Variants in TYW1B observed in about 807,000 individuals in gnomAD.
TYW1B encodes the protein S-adenosyl-L-methionine-dependent tRNA 4-demethylwyosine synthase TYW1B.
In TYW1B, 73 loss-of-function variants were observed where a neutral mutation model predicts 86.9. That is an observed-to-expected ratio of 0.84 (90% confidence interval 0.70 to 1.02). The LOEUF (loss-of-function observed/expected upper bound fraction) is 1.02. Ranked by LOEUF, TYW1B falls within the 50% of genes least tolerant of loss-of-function variation. The pLI is 0.00. For synonymous variants in TYW1B, 248 were observed against 292.8 expected (o/e 0.85, Z 1.56); for missense variants, 637 against 827.4 (o/e 0.77, Z 2.82).
chr7:72,810,601 C>T lies in TYW1B; in HGVS notation c.302G>A (p.Ser101Asn), dbSNP rs372002786. The change falls in exon 4 of 14, where the codon AGT (serine) becomes AAT (asparagine). Residue 101 changes from serine to asparagine, a missense_variant. Transcript: ENST00000620995. Reference protein sequence around the residue: ...ATYTDGLPTESAEWFCKWLEE... With the variant: ...ATYTDGLPTENAEWFCKWLEE... The stretch of plus-strand genomic sequence containing the variant: ...TAACCATTTGCAGAACCACTCTGCA[C>T]TTTCGGTTGGTAGGCCGTCAGTGTA... The T allele has an allele frequency of 1.7e-5, 28 of 1,613,816 alleles. No individual in the cohort carries two copies. The African/African-American group carries it at 2.8e-4, about 16-fold the overall frequency.
intron 10 of TYW1B, among the ~76,000 whole-genome samples, chr7:72,710,258 C>T (rs561628068): frequency 2.6e-4 from 40 of 152,248 alleles, no homozygotes; most frequent in African/African-American, 9.6e-4. Context: ...GACAGACTCC[C>T]TTTCTTTATG....
At chr7:72,628,012 C>T (rs781926681) in intron 12 of TYW1B, among the ~76,000 whole-genome samples, 3 of 152,162 alleles carry the variant, frequency 2.0e-5, no homozygotes, top group Non-Finnish European at 2.9e-5. Flanking sequence ...TACACATCAG[C>T]CGGGCACAGT....
intron 8 of TYW1B, among the ~76,000 whole-genome samples, chr7:72,732,555 T>C (rs544848863): frequency 6.6e-6 from 1 of 152,188 alleles, no homozygotes; most frequent in African/African-American, 2.4e-5. Context: ...AATTTAAATA[T>C]GTACTGAAAC....
At chr7:72,751,931 C>G (rs1429769993) in intron 7 of TYW1B, among the ~76,000 whole-genome samples, 3 of 152,224 alleles carry the variant, frequency 2.0e-5, no homozygotes, top group African/African-American at 7.2e-5. Flanking sequence ...GGGGCTCCTC[C>G]AGACTGGCCC....
At chr7:72,586,679 G>A in intron 13 of TYW1B, among the ~76,000 whole-genome samples, 1 of 152,124 alleles carries the variant, frequency 6.6e-6, no homozygotes, top group East Asian at 1.9e-4. Context: ...GGAGGTTGCT[G>A]TGAGCAGAGA....
At chr7:72,789,052 A>C (rs1234047383) in intron 6 of TYW1B, among the ~76,000 whole-genome samples, 1 of 151,728 alleles carries the variant, frequency 6.6e-6, no homozygotes, top group African/African-American at 2.4e-5. Context: ...GCTGGTCTCA[A>C]ACTCCAGGGG....
chr7:72,577,818 C>T (rs1467577556), intron 13 of TYW1B, among the ~76,000 whole-genome samples: 39 of 152,216 alleles, frequency 2.6e-4, no homozygotes, highest in Non-Finnish European at 3.4e-4. Flanking sequence ...GGTCCTCTCA[C>T]GTGACGCCCA....
chr7:72,652,377 G>GAGA (rs1813084323), intron 11 of TYW1B, among the ~76,000 whole-genome samples: 1 of 31,286 alleles, frequency 3.2e-5, no homozygotes, highest in Non-Finnish European at 6.6e-5. Flanking sequence ...GACTCTGTCT[G>GAGA]AAAAAAAAAA....
At position 72,574,814 on chromosome 7, in the gene TYW1B, T is replaced by TA. The variant is rs1250966159; in HGVS notation, c.*683dup. ...CATGCCCTCACATGGCCACTCCTCTTACAGCAGACAGCTTCACTCCGCTCC... is the reference window on the plus strand; with the variant it reads ...CATGCCCTCACATGGCCACTCCTCTTAACAGCAGACAGCTTCACTCCGCTCC... On this transcript the variant is annotated 3_prime_UTR_variant, in exon 14 of 14. Coordinates refer to ENST00000620995, the MANE Select transcript of TYW1B (RefSeq NM_001145440.3). 1 of 985,316 alleles carries TA rather than the reference T, an allele frequency of 1.0e-6. No individual in the cohort carries two copies. Among genetic ancestry groups the TA allele is most frequent in the African/African-American group, 1.7e-5 (1 of 57,228 alleles). The allele number at this position is 985,316 out of a possible 1,614,324, so 61.0% of individuals were successfully genotyped here.
At chr7:72,789,368 T>C (rs1212324391) in intron 6 of TYW1B, among the ~76,000 whole-genome samples, 2 of 151,910 alleles carry the variant, frequency 1.3e-5, no homozygotes, top group African/African-American at 2.4e-5. Context: ...ACTCCTGACC[T>C]CAGGTGATCT....
intron 11 of TYW1B, 25 bp from the exon 12 acceptor site, chr7:72,629,022 C>T (rs369275635): frequency 1.7e-5 from 26 of 1,573,792 alleles, no homozygotes; most frequent in African/African-American, 1.5e-4. Context: ...AAGCCAACTT[C>T]GTTGTTATCT....
At chr7:72,759,068 T>C (rs574464187) in intron 7 of TYW1B, among the ~76,000 whole-genome samples, 124 of 152,280 alleles carry the variant, frequency 8.1e-4, no homozygotes, top group Non-Finnish European at 1.4e-3. Flanking sequence ...CGGTAGCTTA[T>C]GCCTGTAATC....
At chr7:72,789,569 A>G (rs1788184987) in intron 6 of TYW1B, among the ~76,000 whole-genome samples, 1 of 152,346 alleles carries the variant, frequency 6.6e-6, no homozygotes, top group Admixed American at 6.5e-5. Flanking sequence ...AAACAAGAGA[A>G]AGATGCTAAT....
intron 13 of TYW1B, among the ~76,000 whole-genome samples, chr7:72,604,475 A>T (rs1481729067): frequency 2.0e-5 from 3 of 152,084 alleles, no homozygotes; most frequent in Non-Finnish European, 2.9e-5. Flanking sequence ...AAATAAAAAA[A>T]TTTTTAAAAA....
At chr7:72,606,609 C>CT (rs1254568913) in intron 13 of TYW1B, among the ~76,000 whole-genome samples, 3 of 57,944 alleles carry the variant, frequency 5.2e-5, no homozygotes, top group Admixed American at 3.1e-4. Context: ...GCAATAAGGC[C>CT]CCCCCCCCGC....
intron 10 of TYW1B, among the ~76,000 whole-genome samples, chr7:72,702,987 TATATATATATATA>T (rs1814511877): frequency 8.4e-5 from 1 of 11,914 alleles, no homozygotes; most frequent in Admixed American, 9.3e-4. Flanking sequence ...TCTATCTATC[TATATATATATATA>T]TATATATATA....
At chr7:72,673,800 T>C (rs1400911576) in intron 11 of TYW1B, among the ~76,000 whole-genome samples, 3 of 152,162 alleles carry the variant, frequency 2.0e-5, no homozygotes, top group Admixed American at 6.5e-5. Flanking sequence ...AGAGGATAGA[T>C]ACCACATTTT....
Position 72,727,088 on chromosome 7 carries a change from T to C in TYW1B, c.1192+1734A>G, listed in dbSNP as rs564536788. ...ATAGGGATTATGGGGATTACGGAGATTACAATTCAAGATGAGATTTGGGTG... is the reference window on the plus strand; with the variant it reads ...ATAGGGATTATGGGGATTACGGAGACTACAATTCAAGATGAGATTTGGGTG... On this transcript the variant is annotated intron_variant, in intron 9 of 13. Transcript: ENST00000620995. Among the ~76,000 whole-genome samples the C allele has an allele frequency of 2.1e-4, 32 of 152,172 alleles. No individual in the cohort carries two copies. In the South Asian group the frequency reaches 6.4e-3, roughly 31 times the overall value.
intron 7 of TYW1B, among the ~76,000 whole-genome samples, chr7:72,764,455 G>T (rs1375693717): frequency 2.0e-5 from 3 of 152,096 alleles, no homozygotes; most frequent in Non-Finnish European, 4.4e-5. Context: ...GCTAATTTTT[G>T]TATTTTTAGT....
Sources: gnomAD v4.1 joint callset for allele counts (sites outside exome capture counted in the v4.1 genomes callset) on GRCh38, gnomAD v4.1.1 for gene constraint, MANE v1.5 for transcripts, NCBI Gene and HGNC (gene_info 2026-07-23, HGNC 2026-07-21) for gene names.